The following GRM8 variants were observed in gnomAD, a reference collection of about 807,000 sequenced individuals.
The protein encoded by GRM8 is glutamate metabotropic receptor 8.
A neutral mutation model predicts 87.2 loss-of-function variants in GRM8; 47 were observed. The observed-to-expected ratio is 0.54, with a 90% confidence interval of 0.43 to 0.69. GRM8 has a LOEUF of 0.69. Among genes scored for constraint, GRM8 ranks in the 30% least tolerant of loss-of-function variants. GRM8 has a pLI of 0.00. For synonymous variants in GRM8, 396 were observed against 404.5 expected, an observed-to-expected ratio of 0.98 and a Z score of 0.25; for missense variants, 1,019 against 1,139.2, an observed-to-expected ratio of 0.89 and a Z score of 1.52.
At chr7:126,758,974 T>C (rs1167994238) in intron 7 of GRM8, among the ~76,000 whole-genome samples, 1 of 152,112 alleles carries the variant, frequency 6.6e-6, no homozygotes, top group Non-Finnish European at 1.5e-5. Flanking sequence ...CCTGGCTCAC[T>C]GCAACCTCCA....
Position 126,528,235 on chromosome 7 carries a change from CA to C in GRM8, c.2430+4716del, listed in dbSNP as rs1297642874. ...AAAACAACGACAACAACAACAACAA[CA>C]AAATAAGAAAACACTTTCAGTTGGG... On this transcript the variant is annotated intron_variant, in intron 9 of 10. Coordinates refer to ENST00000339582, the MANE Select transcript of GRM8 (RefSeq NM_000845.3). 2.6e-5 allele frequency among the ~76,000 whole-genome samples: 4 copies of C among 152,180 alleles called. No homozygotes were observed. In the East Asian group the frequency reaches 7.7e-4, roughly 29 times the overall value.
chr7:126,799,231 C>A (rs1363943866), intron 6 of GRM8, among the ~76,000 whole-genome samples: 1 of 152,042 alleles, frequency 6.6e-6, no homozygotes, highest in Admixed American at 6.6e-5. Flanking sequence ...GACAAGATCC[C>A]CATAGGATTC....
intron 9 of GRM8, among the ~76,000 whole-genome samples, chr7:126,510,554 A>T (rs1179980496): frequency 3.6e-5 from 2 of 56,136 alleles, no homozygotes; most frequent in Non-Finnish European, 7.4e-5. Context: ...GCATGTTTAA[A>T]GTGAAAATAA....
In GRM8 at chr7:126,747,977, CATATT is replaced by C. The variant is rs796794113; in HGVS notation, c.1357+21883_1357+21887del. 6.8e-3 allele frequency among the ~76,000 whole-genome samples: 1,028 copies of C among 151,960 alleles called. 12 individuals are homozygous for C. Among genetic ancestry groups the C allele is most frequent in the African/African-American group, 0.023 (959 of 41,476 alleles). On this transcript the variant is annotated intron_variant, in intron 7 of 10. Coordinates refer to ENST00000339582, the MANE Select transcript of GRM8 (RefSeq NM_000845.3). Reference sequence around the variant, plus strand: ...TATATTTTATATTATTTTATTGTGTCATATTATCACACTATTCTACAACTAGCTTA... The same window carrying C: ...TATATTTTATATTATTTTATTGTGTCATCACACTATTCTACAACTAGCTTA...
intron 3 of GRM8, among the ~76,000 whole-genome samples, chr7:127,063,032 C>G (rs1820772785): frequency 6.6e-6 from 1 of 152,068 alleles, no homozygotes; most frequent in Admixed American, 6.6e-5. Flanking sequence ...GCAGATGGAT[C>G]ACAAAGTCAG....
chr7:126,952,004 C>T (rs1294250584), intron 3 of GRM8, among the ~76,000 whole-genome samples: 1 of 147,916 alleles, frequency 6.8e-6, no homozygotes, highest in Admixed American at 6.9e-5. Flanking sequence ...TTTCTAAACA[C>T]CATTCTCTGA....
intron 6 of GRM8, among the ~76,000 whole-genome samples, chr7:126,812,803 A>G (rs1793426790): frequency 6.6e-6 from 1 of 152,078 alleles, no homozygotes; most frequent in Non-Finnish European, 1.5e-5. Context: ...ATGCATACAT[A>G]GAGCAGGTAT....
chr7:127,184,940 T>C (rs9655863), intron 2 of GRM8, among the ~76,000 whole-genome samples: 2,186 of 152,078 alleles, frequency 0.014, 44 homozygotes, highest in African/African-American at 0.049. Flanking sequence ...ATAAGATCTA[T>C]AAGAGGAAAA....
intron 3 of GRM8, among the ~76,000 whole-genome samples, chr7:127,098,974 A>G (rs1824956331): frequency 6.6e-6 from 1 of 152,212 alleles, no homozygotes; most frequent in East Asian, 1.9e-4. Flanking sequence ...TTTATCTTCA[A>G]AGATAAAGCT....
At chr7:127,193,365 C>T (rs1795119380) in intron 2 of GRM8, among the ~76,000 whole-genome samples, 1 of 152,110 alleles carries the variant, frequency 6.6e-6, no homozygotes, top group African/African-American at 2.4e-5. Context: ...CACCATTGAC[C>T]CAAGCATATG....
chr7:126,864,471 GCTGT>G (rs1366786646), intron 6 of GRM8, among the ~76,000 whole-genome samples: 6 of 151,870 alleles, frequency 4.0e-5, no homozygotes, highest in Admixed American at 3.9e-4. Flanking sequence ...TACTTAATTA[GCTGT>G]CTGGTCCATT....
At chr7:126,619,451 C>A (rs1799880387) in intron 7 of GRM8, among the ~76,000 whole-genome samples, 1 of 151,462 alleles carries the variant, frequency 6.6e-6, no homozygotes, top group South Asian at 2.1e-4. Flanking sequence ...CAACATGGCA[C>A]ATGTATACAC....
chr7:127,120,266 GA>G (rs1399873104), intron 2 of GRM8, among the ~76,000 whole-genome samples: 1 of 152,194 alleles, frequency 6.6e-6, no homozygotes, highest in Non-Finnish European at 1.5e-5. Flanking sequence ...CACCAGAAAT[GA>G]AGACTCTTTA....
intron 3 of GRM8, among the ~76,000 whole-genome samples, chr7:126,936,814 GAGA>G (rs1806381475): frequency 1.3e-5 from 2 of 152,160 alleles, no homozygotes; most frequent in African/African-American, 2.4e-5. Context: ...CAATGTTGCA[GAGA>G]AGAAGTACCC....
chr7:126,667,796 A>G (rs758721382), intron 7 of GRM8, among the ~76,000 whole-genome samples: 1 of 152,224 alleles, frequency 6.6e-6, no homozygotes, highest in African/African-American at 2.4e-5. Flanking sequence ...ACAGCTGAGC[A>G]TGTTTGTGTG....
intron 2 of GRM8, among the ~76,000 whole-genome samples, chr7:127,114,107 A>C (rs1453882906): frequency 1.3e-5 from 2 of 152,208 alleles, no homozygotes. Context: ...TCCCCAAATC[A>C]GGACTGGCTC....
intron 6 of GRM8, chr7:126,869,069 T>C (rs1798857533): frequency 6.6e-6 from 1 of 152,240 alleles, no homozygotes. Context: ...AAGTCTTTGT[T>C]GACATCTCAA....
chr7:126,896,783 T>C (rs1412064548), intron 6 of GRM8, among the ~76,000 whole-genome samples: 1 of 152,086 alleles, frequency 6.6e-6, no homozygotes, highest in African/African-American at 2.4e-5. Context: ...CCATTTTGCA[T>C]AGCATATGCT....
chr7:126,737,285 T>TCCACC (rs1208394962), intron 7 of GRM8, among the ~76,000 whole-genome samples: 1 of 151,964 alleles, frequency 6.6e-6, no homozygotes, highest in African/African-American at 2.4e-5. Context: ...TCATCTGATC[T>TCCACC]TGTGATCTCC....
Sources: gnomAD v4.1 joint callset for allele counts (sites outside exome capture counted in the v4.1 genomes callset) on GRCh38, gnomAD v4.1.1 for gene constraint, MANE v1.5 for transcripts, NCBI Gene and HGNC (gene_info 2026-07-23, HGNC 2026-07-21) for gene names.